The following TNFSF8 variants were observed in gnomAD, a reference collection of about 807,000 sequenced individuals.
TNFSF8 encodes the protein TNF superfamily member 8.
Under a neutral mutation model 22.0 loss-of-function variants are expected in TNFSF8, and 4 were observed. The ratio of observed to expected loss-of-function variants is 0.18; its 90% CI spans 0.09 to 0.42. TNFSF8 has a LOEUF of 0.42. Ranked by LOEUF, TNFSF8 falls within the 10% of genes least tolerant of loss-of-function variation. The pLI, the probability that TNFSF8 is intolerant of heterozygous loss-of-function variation, is 1.00. For synonymous variants in TNFSF8, 106 were observed against 112.5 expected (o/e 0.94, Z 0.37); for missense variants, 233 against 281.8 (o/e 0.83, Z 1.24).
At chr9:114,898,154 C>G (rs1314082694), downstream of TNFSF8, among the ~76,000 whole-genome samples, 1 of 136,968 alleles carries the variant, frequency 7.3e-6, no homozygotes, top group Admixed American at 7.6e-5. Flanking sequence ...AGGCGCACAC[C>G]ACCATGCCCA....
intron 1 of TNFSF8, 41 bp downstream of exon 1, chr9:114,930,068 A>G: frequency 3.6e-6 from 5 of 1,407,414 alleles, no homozygotes; most frequent in Non-Finnish European, 4.7e-6. Context: ...CTCTCGGGAA[A>G]ACAACAAGAA....
downstream of TNFSF8, among the ~76,000 whole-genome samples, chr9:114,900,763 C>T (rs530920911): frequency 2.2e-4 from 33 of 152,242 alleles, no homozygotes; most frequent in African/African-American, 7.5e-4. Context: ...GGGCAGATTG[C>T]TTGAGGTCAG....
Position 114,902,162 on chromosome 9 carries a change from T to C in TNFSF8, c.*1769A>G. 1 of 985,360 alleles carries C rather than the reference T, an allele frequency of 1.0e-6. No homozygotes were observed. The highest frequency in any genetic ancestry group is 1.2e-6 in the Non-Finnish European group (1 of 829,916). 61.0% of individuals were successfully genotyped at this position (985,360 alleles called of 1,614,324 possible). A position where few individuals can be genotyped will look rare whatever the true frequency, so the allele number is the denominator to read the frequency against. ...CCAAAGATGATGTACAGATGCCAAG[T>C]TGGATATAGCTAGAGAAATCTCATG... On this transcript the variant is annotated 3_prime_UTR_variant, in exon 4 of 4. Coordinates refer to ENST00000223795, the MANE Select transcript of TNFSF8 (RefSeq NM_001244.4).
intron 1 of TNFSF8, among the ~76,000 whole-genome samples, chr9:114,923,775 C>T (rs1450337045): frequency 6.6e-6 from 1 of 152,116 alleles, no homozygotes; most frequent in Admixed American, 6.5e-5. Context: ...ACCTTTGCCT[C>T]CCAAAGTGTT....
intron 3 of TNFSF8, 116 bp downstream of exon 3, chr9:114,905,711 AC>A: frequency 1.2e-6 from 1 of 800,656 alleles, no homozygotes. Flanking sequence ...TAAACAGTAC[AC>A]ATCTGCAGGT....
chr9:114,899,347 T>A (rs567483363), downstream of TNFSF8, among the ~76,000 whole-genome samples: 136 of 143,886 alleles, frequency 9.5e-4, 1 homozygote, highest in African/African-American at 3.5e-3. Context: ...AAGTTATTAT[T>A]TTTTTTTTTT....
At chr9:114,918,286 T>A in intron 1 of TNFSF8, 148 bp from the exon 2 acceptor site, 1 of 606,632 alleles carries the variant, frequency 1.6e-6, no homozygotes, top group Non-Finnish European at 2.7e-6. Flanking sequence ...TTCACTGATG[T>A]AGTTTCCAAT....
At chr9:114,916,498 A>G (rs897785217) in intron 2 of TNFSF8, among the ~76,000 whole-genome samples, 22 of 152,208 alleles carry the variant, frequency 1.4e-4, no homozygotes, top group African/African-American at 5.1e-4. Flanking sequence ...CTGTCAAAAA[A>G]TGAAAAGTTT....
chr9:114,925,327 C>T (rs1367623263), intron 1 of TNFSF8, among the ~76,000 whole-genome samples: 1 of 152,140 alleles, frequency 6.6e-6, no homozygotes, highest in African/African-American at 2.4e-5. Context: ...CCTTAATGGC[C>T]TCCACCTGGC....
In TNFSF8 at chr9:114,901,735, G is replaced by A. The variant is rs1168488835; in HGVS notation, c.*2196C>T. On this transcript the variant is annotated 3_prime_UTR_variant, in exon 4 of 4. Transcript: ENST00000223795. ...GAATTCAACACCTCTTCCAATGCCT[G>A]CTTCTCCCAAAGAATCTACTCACAG... 1.0e-6 allele frequency: 1 copy of A among 985,356 alleles called. No homozygotes were observed. The highest frequency in any genetic ancestry group is 1.2e-6 in the Non-Finnish European group (1 of 829,902). The allele number at this position is 985,356 out of a possible 1,614,324, so 61.0% of individuals were successfully genotyped here.
At chr9:114,913,690 G>C (rs760615428) in intron 2 of TNFSF8, among the ~76,000 whole-genome samples, 7 of 152,302 alleles carry the variant, frequency 4.6e-5, no homozygotes, top group Non-Finnish European at 8.8e-5. Context: ...CGCTGGATTT[G>C]AGGTCTCACC....
At chr9:114,916,628 A>G (rs1444120324) in intron 2 of TNFSF8, among the ~76,000 whole-genome samples, 1 of 152,230 alleles carries the variant, frequency 6.6e-6, no homozygotes, top group Non-Finnish European at 1.5e-5. Flanking sequence ...CGTGCATTAC[A>G]TGTTTAACTG....
intron 1 of TNFSF8, among the ~76,000 whole-genome samples, chr9:114,919,025 T>A (rs528327853): frequency 2.8e-4 from 43 of 152,090 alleles, no homozygotes; most frequent in Middle Eastern, 3.4e-3. Flanking sequence ...GATGTGTTTT[T>A]TTTTTTTCCA....
rs1228337239 is a variant in TNFSF8 at position 114,918,120 on chromosome 9, G to C, written c.214C>G (p.Pro72Ala). 16 of 1,607,926 alleles carry C rather than the reference G, an allele frequency of 1.0e-5. No homozygotes were observed. The highest frequency in any genetic ancestry group is 3.4e-5 in the Admixed American group (2 of 59,178). ...CCTCCTTTGAGGGGGACGTTGTCAG[G>C]TGAGTTGGGAATGGAGTCCTGGAAG... Reference protein sequence around the residue: ...VQRTDSIPNSPDNVPLKGGNC... With the variant: ...VQRTDSIPNSADNVPLKGGNC... The change falls in exon 2 of 4, where the codon CCT becomes GCT. Residue 72 changes from proline (P) to alanine (A), a missense_variant. Pro to Ala is a conservative substitution (Grantham distance 27, BLOSUM62 -1). Transcript: ENST00000223795.
intron 2 of TNFSF8, among the ~76,000 whole-genome samples, chr9:114,911,007 C>T (rs533978210): frequency 5.9e-5 from 9 of 152,230 alleles, no homozygotes; most frequent in African/African-American, 1.7e-4. Flanking sequence ...GCAATGAGAC[C>T]GTGGATGTCA....
Position 114,901,152 on chromosome 9 carries a change from T to C in TNFSF8, c.*2779A>G. On this transcript the variant is annotated 3_prime_UTR_variant, in exon 4 of 4. Coordinates refer to ENST00000223795, the MANE Select transcript of TNFSF8 (RefSeq NM_001244.4). ...TGTTTTAGGTAGCCTGAGTTCCCAGTTAGATAAATTATTTATTTTACTTGC... is the reference window on the plus strand; with the variant it reads ...TGTTTTAGGTAGCCTGAGTTCCCAGCTAGATAAATTATTTATTTTACTTGC... 1 of 985,296 alleles carries C rather than the reference T, an allele frequency of 1.0e-6. No homozygotes were observed. The highest frequency in any genetic ancestry group is 1.2e-6 in the Non-Finnish European group (1 of 829,884). 61.0% of individuals were successfully genotyped at this position (985,296 alleles called of 1,614,324 possible). A position where few individuals can be genotyped will look rare whatever the true frequency, so the allele number is the denominator to read the frequency against.
chr9:114,920,710 C>G (rs1350232146), intron 1 of TNFSF8, among the ~76,000 whole-genome samples: 1 of 152,058 alleles, frequency 6.6e-6, no homozygotes, highest in Non-Finnish European at 1.5e-5. Flanking sequence ...ACTCTGTCAC[C>G]CAGGCTGGAG....
intron 1 of TNFSF8, among the ~76,000 whole-genome samples, chr9:114,925,365 C>G (rs981484682): frequency 6.6e-6 from 1 of 152,146 alleles, no homozygotes; most frequent in African/African-American, 2.4e-5. Flanking sequence ...AAACTCAGGC[C>G]TCAATCTCCT....
At position 114,930,282 on chromosome 9, in the gene TNFSF8, C is replaced by T. The variant is rs1302191286; in HGVS notation, c.22G>A (p.Ala8Thr). ...CCAGGAGGGGCCATTCCGTTGAGTG[C>T]TTGCTGCAGCCCTGGGTCCATTCTT... MDPGLQQ[A>T]LNGMAPPGDT... The change falls in exon 1 of 4, where the codon GCA (alanine) becomes ACA (threonine). Residue 8 changes from alanine (A) to threonine (T), a missense_variant. Ala to Thr is a moderately conservative substitution (Grantham distance 58). Transcript: ENST00000223795. 1 of 1,588,516 alleles carries T rather than the reference C, an allele frequency of 6.3e-7. No individual in the cohort carries two copies.
Sources: gnomAD v4.1 joint callset for allele counts (sites outside exome capture counted in the v4.1 genomes callset) on GRCh38, gnomAD v4.1.1 for gene constraint, MANE v1.5 for transcripts, NCBI Gene and HGNC (gene_info 2026-07-23, HGNC 2026-07-21) for gene names.